SGCD: variants seen among roughly 807,000 people sequenced by gnomAD.
SGCD encodes the protein delta-sarcoglycan.
SGCD carries 18 observed loss-of-function variants against 36.6 expected under a neutral mutation model. That is an observed-to-expected ratio of 0.49 (90% confidence interval 0.34 to 0.73). The LOEUF (loss-of-function observed/expected upper bound fraction) is 0.73. Ranked by LOEUF, SGCD falls within the 30% of genes least tolerant of loss-of-function variation. The pLI, the probability that SGCD is intolerant of heterozygous loss-of-function variation, is 0.01. For missense variants in SGCD, 387 were observed against 346.7 expected (o/e 1.12, Z -0.92); for synonymous variants, 133 against 130.6 (o/e 1.02, Z -0.12).
intron 3 of SGCD, among the ~76,000 whole-genome samples, chr5:156,464,666 G>A (rs990971612): frequency 8.5e-5 from 13 of 152,226 alleles, no homozygotes; most frequent in South Asian, 4.2e-4. Context: ...TTGATTCACC[G>A]AATCCCACTT....
chr5:156,236,269 C>T (rs1765161011), intron 3 of SGCD, among the ~76,000 whole-genome samples: 1 of 152,076 alleles, frequency 6.6e-6, no homozygotes, highest in Non-Finnish European at 1.5e-5. Context: ...AGACAAACCT[C>T]ATTTAGTTGC....
chr5:155,970,531 A>G (rs1424727222), intron 1 of SGCD, among the ~76,000 whole-genome samples: 2 of 152,170 alleles, frequency 1.3e-5, no homozygotes, highest in Non-Finnish European at 2.9e-5. Context: ...CAACAAATAG[A>G]TAAATAAATA....
the SGCD span, among the ~76,000 whole-genome samples, chr5:155,769,378 AAAAG>A: frequency 6.6e-6 from 1 of 152,000 alleles, no homozygotes; most frequent in Non-Finnish European, 1.5e-5. Flanking sequence ...AGCCAAAAAA[AAAAG>A]AAAGAAAAAA....
At chr5:155,867,112 T>C (rs928166948), upstream of SGCD, among the ~76,000 whole-genome samples, 1 of 152,174 alleles carries the variant, frequency 6.6e-6, no homozygotes, top group Non-Finnish European at 1.5e-5. Flanking sequence ...TGGCCTTGAT[T>C]CAAAAGCAAA....
At chr5:155,878,110 TA>T (rs1755802630) in intron 1 of SGCD, among the ~76,000 whole-genome samples, 1 of 152,052 alleles carries the variant, frequency 6.6e-6, no homozygotes, top group Non-Finnish European at 1.5e-5. Context: ...ACTGGAATTT[TA>T]AATTTGAGGG....
intron 7 of SGCD, among the ~76,000 whole-genome samples, chr5:156,732,168 CCAATACTGTGTT>C (rs1319166344): frequency 1.3e-5 from 2 of 152,062 alleles, no homozygotes; most frequent in African/African-American, 4.8e-5. Flanking sequence ...GTGAGAACTT[CCAATACTGTGTT>C]GAATAGGAGT....
chr5:156,342,529 T>C (rs1768716684), intron 2 of SGCD, among the ~76,000 whole-genome samples: 1 of 152,280 alleles, frequency 6.6e-6, no homozygotes, highest in South Asian at 2.1e-4. Context: ...AATAAAAACC[T>C]AATTTATTTC....
At chr5:155,978,082 G>A (rs1758156352) in intron 1 of SGCD, among the ~76,000 whole-genome samples, 1 of 150,598 alleles carries the variant, frequency 6.6e-6, no homozygotes, top group South Asian at 2.2e-4. Flanking sequence ...GACAGAGCAA[G>A]ACTCTGTCTC....
intron 4 of SGCD, among the ~76,000 whole-genome samples, chr5:156,518,394 A>T (rs571224113): frequency 8.2e-4 from 125 of 152,300 alleles, no homozygotes; most frequent in Admixed American, 2.5e-3. Flanking sequence ...ATAGTGTGAG[A>T]CTTTCACACC....
the SGCD span, among the ~76,000 whole-genome samples, chr5:155,741,876 G>C: frequency 6.6e-6 from 1 of 151,754 alleles, no homozygotes; most frequent in Non-Finnish European, 1.5e-5. Flanking sequence ...GTAGAGACAG[G>C]GTTTTGCCAT....
At chr5:156,568,159 G>T (rs1759572706) in intron 4 of SGCD, among the ~76,000 whole-genome samples, 2 of 152,142 alleles carry the variant, frequency 1.3e-5, no homozygotes, top group Non-Finnish European at 2.9e-5. Flanking sequence ...GGAGGCTGAG[G>T]CAGGCAGATC....
Position 156,329,517 on chromosome 5 carries a change from A to C in SGCD, c.-43-17A>C. 4 of 1,582,666 alleles carry C rather than the reference A, an allele frequency of 2.5e-6. No individual in the cohort carries two copies. The highest frequency in any genetic ancestry group is 3.5e-6 in the Non-Finnish European group (4 of 1,152,002). On this transcript the variant is annotated splice_polypyrimidine_tract_variant and intron_variant, in intron 1 of 8. Coordinates refer to ENST00000337851, the MANE Select transcript of SGCD (RefSeq NM_000337.6). ...GCTCTTCAGACCTTATTTTTAACCCATATTTGTTCCTTGCAGAGACATTAC... is the reference window on the plus strand; with the variant it reads ...GCTCTTCAGACCTTATTTTTAACCCCTATTTGTTCCTTGCAGAGACATTAC...
At chr5:156,245,522 C>T (rs1765419263) in intron 3 of SGCD, among the ~76,000 whole-genome samples, 2 of 151,988 alleles carry the variant, frequency 1.3e-5, no homozygotes, top group African/African-American at 2.4e-5. Context: ...TAAAAAAATC[C>T]ATGATTAATC....
chr5:156,071,110 T>C (rs969643683), intron 1 of SGCD, among the ~76,000 whole-genome samples: 1 of 152,114 alleles, frequency 6.6e-6, no homozygotes. Context: ...TTTTGAAGGG[T>C]TTTTTGTGTC....
chr5:155,819,186 A>G, the SGCD span, among the ~76,000 whole-genome samples: 62 of 152,356 alleles, frequency 4.1e-4, no homozygotes, highest in African/African-American at 1.3e-3. Flanking sequence ...CTGAAATCCC[A>G]AATATATTTT....
intron 1 of SGCD, among the ~76,000 whole-genome samples, chr5:156,096,213 A>C (rs1329975897): frequency 6.6e-6 from 1 of 152,198 alleles, no homozygotes; most frequent in Non-Finnish European, 1.5e-5. Context: ...GTGTCCTTCC[A>C]TGGCCAACCA....
chr5:156,581,116 G>T lies in SGCD; in HGVS notation c.295-8115G>T, dbSNP rs943639063. On this transcript the variant is annotated intron_variant, in intron 4 of 8. Transcript: ENST00000337851. ...GGATGTCCTTTTTGTTGATGTTGATGCTATTCCTTTCTGTTTGTTAGTTTT... is the reference window on the plus strand; with the variant it reads ...GGATGTCCTTTTTGTTGATGTTGATTCTATTCCTTTCTGTTTGTTAGTTTT... Among the ~76,000 whole-genome samples the T allele has an allele frequency of 2.0e-5, 3 of 152,158 alleles. No homozygotes were observed. In the South Asian group the frequency reaches 6.2e-4, roughly 32 times the overall value.
intron 1 of SGCD, among the ~76,000 whole-genome samples, chr5:156,005,478 T>C (rs962138513): frequency 4.0e-5 from 6 of 151,882 alleles, no homozygotes; most frequent in Non-Finnish European, 5.9e-5. Flanking sequence ...TGAGATGGAG[T>C]CTCGCTCAGT....
intron 3 of SGCD, among the ~76,000 whole-genome samples, chr5:156,192,017 A>G (rs1763904161): frequency 6.6e-6 from 1 of 152,228 alleles, no homozygotes; most frequent in African/African-American, 2.4e-5. Context: ...TTATCGAATG[A>G]GAAGAAACTT....
Sources: allele counts gnomAD v4.1 joint callset (sites outside exome capture counted in the v4.1 genomes callset), GRCh38; gene constraint gnomAD v4.1.1; transcripts MANE v1.5; gene names NCBI Gene and HGNC (gene_info 2026-07-23, HGNC 2026-07-21).